The following DLGAP1 variants were observed in gnomAD, a reference collection of about 807,000 sequenced individuals.
DLGAP1 encodes DLG associated protein 1.
DLGAP1 carries 11 observed loss-of-function variants against 90.8 expected under a neutral mutation model. The ratio of observed to expected loss-of-function variants is 0.12; its 90% CI spans 0.08 to 0.20. The LOEUF is 0.20. Among genes scored for constraint, DLGAP1 ranks in the 10% least tolerant of loss-of-function variants. DLGAP1 has a pLI of 1.00. For missense variants in DLGAP1, 1,050 were observed against 1,333.8 expected (o/e 0.79, Z 3.31); for synonymous variants, 558 against 540.7 (o/e 1.03, Z -0.44).
At chr18:3,886,635 A>G (rs944345917) in intron 3 of DLGAP1, among the ~76,000 whole-genome samples, 11 of 151,974 alleles carry the variant, frequency 7.2e-5, no homozygotes, top group African/African-American at 2.4e-4. Context: ...CTAACTCTCT[A>G]TCTCTCAAGT....
chr18:3,600,939 G>GATATAT (rs1568279481), intron 7 of DLGAP1, among the ~76,000 whole-genome samples: 2 of 58,162 alleles, frequency 3.4e-5, no homozygotes, highest in Non-Finnish European at 8.8e-5. Flanking sequence ...TAGATATATA[G>GATATAT]ATAGATATAT....
chr18:4,098,390 A>T (rs973164339), intron 2 of DLGAP1, among the ~76,000 whole-genome samples: 1 of 145,090 alleles, frequency 6.9e-6, no homozygotes, highest in Non-Finnish European at 1.6e-5. Context: ...TGAGTGATAT[A>T]AAAAAAGTAA....
intron 1 of DLGAP1, among the ~76,000 whole-genome samples, chr18:4,246,954 T>C (rs1186898118): frequency 2.6e-5 from 4 of 152,204 alleles, no homozygotes; most frequent in East Asian, 3.9e-4. Flanking sequence ...TAAAGCCCCA[T>C]GAGAGATAAG....
At chr18:3,719,701 A>G (rs1285584536) in intron 7 of DLGAP1, among the ~76,000 whole-genome samples, 2 of 152,052 alleles carry the variant, frequency 1.3e-5, no homozygotes, top group South Asian at 4.1e-4. Context: ...TATCTTTGTA[A>G]TTTCCTATAA....
intron 1 of DLGAP1, among the ~76,000 whole-genome samples, chr18:4,162,237 A>G (rs922549551): frequency 1.3e-5 from 2 of 152,126 alleles, no homozygotes; most frequent in African/African-American, 4.8e-5. Flanking sequence ...TTATTAGTAG[A>G]GTTACAGTTT....
intron 7 of DLGAP1, chr18:3,656,079 C>T: frequency 2.6e-6 from 4 of 1,544,408 alleles, no homozygotes; most frequent in Non-Finnish European, 3.5e-6. Context: ...GTTGTAAAAA[C>T]ATACCTTCAA....
intron 1 of DLGAP1, among the ~76,000 whole-genome samples, chr18:4,369,959 T>TGATC (rs1018956963): frequency 9.2e-5 from 14 of 151,834 alleles, no homozygotes; most frequent in South Asian, 8.3e-4. Context: ...GATACGGTTA[T>TGATC]GATCGCATTG....
chr18:3,768,615 A>T (rs1166744491), intron 5 of DLGAP1, among the ~76,000 whole-genome samples: 1 of 152,208 alleles, frequency 6.6e-6, no homozygotes, highest in Non-Finnish European at 1.5e-5. Context: ...CCAGTGCAAC[A>T]GAATGGAGAA....
At chr18:4,112,268 T>A (rs2075987871) in intron 2 of DLGAP1, among the ~76,000 whole-genome samples, 2 of 152,116 alleles carry the variant, frequency 1.3e-5, no homozygotes, top group African/African-American at 4.8e-5. Flanking sequence ...TTAATTCTGT[T>A]GTGGTAAGAA....
At chr18:4,021,698 A>G (rs2074612876) in intron 2 of DLGAP1, among the ~76,000 whole-genome samples, 1 of 152,056 alleles carries the variant, frequency 6.6e-6, no homozygotes, top group African/African-American at 2.4e-5. Flanking sequence ...CCTGGATTCA[A>G]GCAATTCTCC....
chr18:3,542,704 A>G (rs1406573810), intron 9 of DLGAP1, among the ~76,000 whole-genome samples: 1 of 152,234 alleles, frequency 6.6e-6, no homozygotes, highest in Non-Finnish European at 1.5e-5. Flanking sequence ...GGAGTATACA[A>G]TTGCAAAGTT....
At chr18:3,643,997 A>C (rs1486900111) in intron 7 of DLGAP1, among the ~76,000 whole-genome samples, 1 of 152,246 alleles carries the variant, frequency 6.6e-6, no homozygotes, top group Non-Finnish European at 1.5e-5. Flanking sequence ...AAACACACAC[A>C]AAAACTGTAC....
intron 1 of DLGAP1, chr18:4,294,520 G>A (rs1489567786): frequency 6.6e-6 from 1 of 152,326 alleles, no homozygotes; most frequent in African/African-American, 2.4e-5. Context: ...GGTGGAGCAT[G>A]CAGATGAGCA....
intron 9 of DLGAP1, among the ~76,000 whole-genome samples, chr18:3,554,930 A>T (rs1462470962): frequency 6.6e-6 from 1 of 151,698 alleles, no homozygotes; most frequent in Non-Finnish European, 1.5e-5. Flanking sequence ...TCTTTTTCTC[A>T]CTTTTTGTTA....
At chr18:3,831,005 A>C (rs1408627819) in intron 4 of DLGAP1, among the ~76,000 whole-genome samples, 2 of 152,244 alleles carry the variant, frequency 1.3e-5, no homozygotes, top group African/African-American at 4.8e-5. Context: ...TCCTCTACCA[A>C]GGGCAGGGAA....
chr18:3,651,156 C>T (rs1034518709), intron 7 of DLGAP1, among the ~76,000 whole-genome samples: 11 of 147,068 alleles, frequency 7.5e-5, no homozygotes, highest in African/African-American at 2.5e-4. Context: ...GTCAGGAGAT[C>T]GAGACCATCC....
At chr18:3,666,042 C>G (rs907817342) in intron 7 of DLGAP1, among the ~76,000 whole-genome samples, 28 of 152,226 alleles carry the variant, frequency 1.8e-4, no homozygotes, top group African/African-American at 6.7e-4. Flanking sequence ...ACCGCAGAGG[C>G]AGCTGGAAGC....
intron 7 of DLGAP1, among the ~76,000 whole-genome samples, chr18:3,662,444 T>G (rs1353275154): frequency 2.6e-5 from 4 of 152,172 alleles, no homozygotes. Flanking sequence ...GGTATGTGTT[T>G]CATTTAACAG....
At chr18:3,518,584 T>C (rs1463012071) in intron 10 of DLGAP1, among the ~76,000 whole-genome samples, 1 of 151,092 alleles carries the variant, frequency 6.6e-6, no homozygotes, top group Non-Finnish European at 1.5e-5. Context: ...TAAAATGAGG[T>C]ACACCTGTGT....
Sources: allele counts gnomAD v4.1 joint callset (sites outside exome capture counted in the v4.1 genomes callset), GRCh38; gene constraint gnomAD v4.1.1; transcripts MANE v1.5; gene names NCBI Gene and HGNC (gene_info 2026-07-23, HGNC 2026-07-21).